The following MBNL2 variants were observed in gnomAD, a reference collection of about 807,000 sequenced individuals.
MBNL2 encodes the protein muscleblind like splicing regulator 2, also known as muscleblind-like protein 2.
Under a neutral mutation model 41.9 loss-of-function variants are expected in MBNL2, and 17 were observed. That is an observed-to-expected ratio of 0.41 (90% confidence interval 0.28 to 0.61). The LOEUF is 0.61. Ranked by LOEUF, MBNL2 falls within the 20% of genes least tolerant of loss-of-function variation. The pLI is 0.35. For synonymous variants in MBNL2, 195 were observed against 182.9 expected (o/e 1.07, Z -0.53); for missense variants, 336 against 505.6 (o/e 0.66, Z 3.22).
At chr13:97,157,671 G>C in the MBNL2 span, among the ~76,000 whole-genome samples, 1 of 149,846 alleles carries the variant, frequency 6.7e-6, no homozygotes, top group Non-Finnish European at 1.5e-5. Flanking sequence ...TTTTGTCTTT[G>C]GCTCTGTTTA....
intron 1 of MBNL2, among the ~76,000 whole-genome samples, chr13:97,273,279 A>G (rs1207382615): frequency 6.6e-6 from 1 of 152,198 alleles, no homozygotes; most frequent in African/African-American, 2.4e-5. Context: ...ATCTCCCTTG[A>G]TGCAGGCAGA....
chr13:97,194,129 T>C, the MBNL2 span, among the ~76,000 whole-genome samples: 1 of 152,234 alleles, frequency 6.6e-6, no homozygotes, highest in East Asian at 1.9e-4. Context: ...CTTCCCATCA[T>C]GCACAATTCT....
At chr13:97,174,343 T>C in the MBNL2 span, among the ~76,000 whole-genome samples, 1 of 152,198 alleles carries the variant, frequency 6.6e-6, no homozygotes, top group Non-Finnish European at 1.5e-5. Flanking sequence ...TTCTCTTGAC[T>C]ACAGTTGCAT....
intron 8 of MBNL2, among the ~76,000 whole-genome samples, chr13:97,386,745 T>G (rs750507581): frequency 6.6e-6 from 1 of 152,196 alleles, no homozygotes; most frequent in African/African-American, 2.4e-5. Flanking sequence ...TGGATTCACA[T>G]TGGGGTAACT....
the MBNL2 span, among the ~76,000 whole-genome samples, chr13:97,207,533 T>G: frequency 6.6e-6 from 1 of 152,136 alleles, no homozygotes; most frequent in African/African-American, 2.4e-5. Flanking sequence ...CTTGTGAGAC[T>G]TATTCACTGT....
At chr13:97,258,507 G>T (rs2047992757) in intron 1 of MBNL2, among the ~76,000 whole-genome samples, 1 of 152,024 alleles carries the variant, frequency 6.6e-6, no homozygotes, top group South Asian at 2.1e-4. Flanking sequence ...AGATTACTGG[G>T]TTCTGCTTTT....
rs1177554477 is a variant in MBNL2, at chr13:97,307,563, AAGAAAAAATATTTAGTCC to A, written c.175-26711_175-26694del. On this transcript the variant is annotated intron_variant, in intron 2 of 8. Transcript: ENST00000679496. ...CCATATTTCATGTGATTCCAGGTAA[AAGAAAAAATATTTAGTCC>A]ACAACAGGAAGGGAAAAATAAATTC... Among the ~76,000 whole-genome samples, 5 of 152,344 alleles carry A rather than the reference AAGAAAAAATATTTAGTCC, an allele frequency of 3.3e-5. No individual in the cohort carries two copies. In the South Asian group the frequency reaches 6.2e-4, roughly 19 times the overall value.
At chr13:97,193,803 T>TTACTGCCCTTAACTGTCTTAAG in the MBNL2 span, among the ~76,000 whole-genome samples, 5 of 152,294 alleles carry the variant, frequency 3.3e-5, no homozygotes, top group African/African-American at 1.2e-4. Flanking sequence ...GTCATCACAC[T>TTACTGCCCTTAACTGTCTTAAG]GCTTACTGCC....
intron 3 of MBNL2, among the ~76,000 whole-genome samples, chr13:97,341,926 C>T (rs2061470746): frequency 6.6e-6 from 1 of 152,038 alleles, no homozygotes; most frequent in Non-Finnish European, 1.5e-5. Context: ...CAGCATAGTT[C>T]AATGTTAAAA....
At position 97,391,372 on chromosome 13, in the gene MBNL2, T is replaced by A. The variant is rs2066389705; in HGVS notation, c.1099T>A (p.Leu367Met). ...CGGAATGGAATGCCAAGAATCTGCA[T>A]TGAGAATAACTAAACATTGTTACTG... is the stretch of plus-strand genomic sequence containing the variant. ...RNGMECQESA[L>M]RITKHCYCTY... The change falls in exon 9 of 9, where the codon TTG becomes ATG. Residue 367 changes from leucine (L) to methionine (M), a missense_variant. Coordinates refer to ENST00000679496, the MANE Select transcript of MBNL2 (RefSeq NM_001382683.1). 1.9e-6 allele frequency: 3 copies of A among 1,591,916 alleles called. No homozygotes were observed. The East Asian group carries it at 6.7e-5, about 36-fold the overall frequency.
intron 7 of MBNL2, among the ~76,000 whole-genome samples, chr13:97,364,263 G>A (rs2063669500): frequency 6.6e-6 from 1 of 152,188 alleles, no homozygotes. Context: ...GCCAACTTGA[G>A]ATTTCCTAGG....
At chr13:97,218,871 C>T (rs530935683), upstream of MBNL2, among the ~76,000 whole-genome samples, 6 of 151,484 alleles carry the variant, frequency 4.0e-5, no homozygotes, top group African/African-American at 9.7e-5. Context: ...GGAGCGCCTC[C>T]ACCGTGTGCC....
At chr13:97,292,668 G>A (rs531063991) in intron 2 of MBNL2, among the ~76,000 whole-genome samples, 33 of 151,506 alleles carry the variant, frequency 2.2e-4, no homozygotes, top group Admixed American at 1.1e-3. Flanking sequence ...AAGTGTTGTC[G>A]ATATCCAAAT....
intron 3 of MBNL2, among the ~76,000 whole-genome samples, chr13:97,341,639 C>T (rs1245750053): frequency 6.6e-6 from 1 of 152,110 alleles, no homozygotes; most frequent in African/African-American, 2.4e-5. Flanking sequence ...GAGTACTGAG[C>T]CAGGACCCCT....
chr13:97,342,865 A>G, intron 3 of MBNL2, 151 bp from the exon 4 acceptor site: 1 of 556,002 alleles, frequency 1.8e-6, no homozygotes. Context: ...GAGGGTCTAC[A>G]TGGATGTCAT....
the MBNL2 span, among the ~76,000 whole-genome samples, chr13:97,194,851 AT>A: frequency 6.6e-6 from 1 of 152,176 alleles, no homozygotes; most frequent in African/African-American, 2.4e-5. Flanking sequence ...AAGTTAACTT[AT>A]GTGGTCTAAA....
At chr13:97,180,354 A>G in the MBNL2 span, among the ~76,000 whole-genome samples, 2 of 152,218 alleles carry the variant, frequency 1.3e-5, no homozygotes, top group African/African-American at 4.8e-5. Flanking sequence ...ATGATTTACC[A>G]GAAGTCATTT....
chr13:97,180,190 G>A, the MBNL2 span, among the ~76,000 whole-genome samples: 1 of 152,098 alleles, frequency 6.6e-6, no homozygotes, highest in African/African-American at 2.4e-5. Context: ...GGATTTTGAG[G>A]GAACAGCATC....
chr13:97,249,924 G>T (rs1206880847), intron 1 of MBNL2, among the ~76,000 whole-genome samples: 1 of 152,194 alleles, frequency 6.6e-6, no homozygotes, highest in East Asian at 1.9e-4. Flanking sequence ...TGGGCAGGAG[G>T]CTAAGTAACT....
Sources: allele counts gnomAD v4.1 joint callset (sites outside exome capture counted in the v4.1 genomes callset), GRCh38; gene constraint gnomAD v4.1.1; transcripts MANE v1.5; gene names NCBI Gene and HGNC (gene_info 2026-07-23, HGNC 2026-07-21).